The following AADACL2 variants were observed in gnomAD, a reference collection of about 807,000 sequenced individuals.
AADACL2 encodes arylacetamide deacetylase like 2, also known as arylacetamide deacetylase-like 2.
Under a neutral mutation model 22.3 loss-of-function variants are expected in AADACL2, and 23 were observed. The ratio of observed to expected loss-of-function variants is 1.03; its 90% CI spans 0.74 to 1.46. AADACL2 has a LOEUF of 1.46. AADACL2 is among the 40% of genes most tolerant of loss of function. AADACL2 has a pLI of 0.00. For missense variants in AADACL2, 472 were observed against 482.9 expected, an observed-to-expected ratio of 0.98 and a Z score of 0.21; for synonymous variants, 177 against 166.2, an observed-to-expected ratio of 1.07 and a Z score of -0.50.
Position 151,757,715 on chromosome 3 carries a change from A to T in AADACL2, c.*121A>T, listed in dbSNP as rs1009432087. ...AATCTACATTTGCAACATTTGTAGC[A>T]GTTAATGTGTGTCCTTGAAGAGTTA... On this transcript the variant is annotated 3_prime_UTR_variant, in exon 5 of 5. Transcript: ENST00000356517. The T allele has an allele frequency of 2.6e-5, 33 of 1,260,278 alleles. No homozygotes were observed. Among genetic ancestry groups the T allele is most frequent in the Non-Finnish European group, 3.4e-5 (31 of 920,014 alleles). The allele number at this position is 1,260,278 out of a possible 1,614,324, so 78.1% of individuals were successfully genotyped here.
At chr3:151,756,257 C>T (rs1295469747) in intron 4 of AADACL2, among the ~76,000 whole-genome samples, 1 of 152,120 alleles carries the variant, frequency 6.6e-6, no homozygotes, top group Admixed American at 6.6e-5. Context: ...ATGCCTTTCT[C>T]TTTGAAAAAG....
intron 4 of AADACL2, among the ~76,000 whole-genome samples, chr3:151,752,492 T>C (rs1176758437): frequency 6.6e-6 from 1 of 152,202 alleles, no homozygotes; most frequent in Non-Finnish European, 1.5e-5. Context: ...AAATCACTGA[T>C]GTGGCTTGCT....
At position 151,757,388 on chromosome 3, in the gene AADACL2, T is replaced by G; in HGVS notation, c.1000T>G (p.Tyr334Asp). ...DSQLQNLPLT[Y>D]ILTCQHDLLR... ...TCAGTTACAGAATTTGCCACTAACCTATATTCTTACTTGTCAACATGATCT... is the reference window on the plus strand; with the variant it reads ...TCAGTTACAGAATTTGCCACTAACCGATATTCTTACTTGTCAACATGATCT... Residue 334 changes from tyrosine to aspartate, a missense_variant, in exon 5 of 5, where the codon TAT becomes GAT. Tyr to Asp is a radical substitution (Grantham distance 160, BLOSUM62 -3). This residue lies in a region of AADACL2 where 113 missense variants were observed against 100.9 expected (regional missense o/e 1.12). Coordinates refer to ENST00000356517, the MANE Select transcript of AADACL2 (RefSeq NM_207365.4). 2 of 1,613,790 alleles carry G rather than the reference T, an allele frequency of 1.2e-6. No homozygotes were observed. Among genetic ancestry groups the G allele is most frequent in the Non-Finnish European group, 1.7e-6 (2 of 1,179,704 alleles).
intron 2 of AADACL2, among the ~76,000 whole-genome samples, chr3:151,742,589 T>G (rs1713315715): frequency 6.6e-6 from 1 of 152,168 alleles, no homozygotes; most frequent in Non-Finnish European, 1.5e-5. Flanking sequence ...GGATTTCTTG[T>G]GGCTGATAAA....
At chr3:151,747,651 C>T (rs967224312) in intron 4 of AADACL2, among the ~76,000 whole-genome samples, 1 of 151,528 alleles carries the variant, frequency 6.6e-6, no homozygotes, top group African/African-American at 2.4e-5. Context: ...GATACACACA[C>T]ACACACACCA....
In AADACL2 at chr3:151,734,128, G is replaced by A; in HGVS notation, c.93G>A (p.Trp31Ter). 6.2e-7 allele frequency: 1 copy of A among 1,613,546 alleles called. No individual in the cohort carries two copies. The highest frequency in any genetic ancestry group is 8.5e-7 in the Non-Finnish European group (1 of 1,179,742). Residue 31 changes from tryptophan (W) to a stop codon, truncating the protein, a stop_gained, in exon 1 of 5, where the codon TGG (tryptophan) becomes TGA (stop). Coordinates refer to ENST00000356517, the MANE Select transcript of AADACL2 (RefSeq NM_207365.4). LOFTEE classifies it high-confidence loss of function. The part of the protein sequence containing the change: ...TPMPDNIEES[W>*]KIMALDAIAK... The stretch of plus-strand genomic sequence containing the variant: ...TGCCAGACAACATTGAAGAAAGCTG[G>A]AAAATAATGGCCTTGGATGCCATCG...
intron 2 of AADACL2, 145 bp downstream of exon 2, chr3:151,741,013 A>C: frequency 1.6e-6 from 1 of 626,388 alleles, no homozygotes; most frequent in Non-Finnish European, 2.6e-6. Flanking sequence ...TATAAATATG[A>C]GACATCTAAT....
At chr3:151,743,569 C>A (rs1713346539) in intron 2 of AADACL2, among the ~76,000 whole-genome samples, 1 of 152,080 alleles carries the variant, frequency 6.6e-6, no homozygotes, top group Non-Finnish European at 1.5e-5. Context: ...TGTCTTAATG[C>A]CAATGTTATT....
chr3:151,753,050 T>C (rs1713731739), intron 4 of AADACL2, among the ~76,000 whole-genome samples: 1 of 152,184 alleles, frequency 6.6e-6, no homozygotes, highest in Admixed American at 6.5e-5. Context: ...TTATAATTAA[T>C]GGTGATGATT....
In AADACL2 at chr3:151,757,684, T is replaced by C; in HGVS notation, c.*90T>C. 4.9e-6 allele frequency: 7 copies of C among 1,430,638 alleles called. No individual in the cohort carries two copies. Among genetic ancestry groups the C allele is most frequent in the South Asian group, 2.9e-5 (2 of 69,746 alleles). The allele number at this position is 1,430,638 out of a possible 1,614,324, so 88.6% of individuals were successfully genotyped here. A position where few individuals can be genotyped will look rare whatever the true frequency, so the allele number is the denominator to read the frequency against. On this transcript the variant is annotated 3_prime_UTR_variant, in exon 5 of 5. Transcript: ENST00000356517. ...GAGCAAAGAACAATGTCATTTGAGT[T>C]ATCTAAATCTACATTTGCAACATTT...
chr3:151,734,061 G>A lies in AADACL2; in HGVS notation c.26G>A (p.Gly9Glu). ...ATGGGGCTAAAAGCTCTCTGTTTGGGGCTGCTTTGTGTTCTTTTTGTCTCT... is the reference window on the plus strand; with the variant it reads ...ATGGGGCTAAAAGCTCTCTGTTTGGAGCTGCTTTGTGTTCTTTTTGTCTCT... MGLKALCLGLLCVLFVSHF... is the reference protein window; with the variant it reads MGLKALCLELLCVLFVSHF... The change falls in exon 1 of 5, where the codon GGG becomes GAG. Residue 9 changes from glycine to glutamate, a missense_variant. Physicochemically the swap from Gly to Glu is moderately conservative, Grantham distance 98. Around this residue, in one of 3 missense-constraint regions of AADACL2, gnomAD observed 356 missense variants for 365.5 expected, o/e 0.97. Transcript: ENST00000356517. 2 of 1,612,814 alleles carry A rather than the reference G, an allele frequency of 1.2e-6. No individual in the cohort carries two copies. Among genetic ancestry groups the A allele is most frequent in the South Asian group, 2.2e-5 (2 of 90,928 alleles).
chr3:151,748,251 G>A (rs1165239554), intron 4 of AADACL2, among the ~76,000 whole-genome samples: 1 of 152,070 alleles, frequency 6.6e-6, no homozygotes, highest in Non-Finnish European at 1.5e-5. Context: ...TTTATATTAA[G>A]TGTTAGACCT....
At chr3:151,734,196 C>A (rs1416471659) in intron 1 of AADACL2, 23 bp downstream of exon 1, 3 of 1,606,524 alleles carry the variant, frequency 1.9e-6, no homozygotes, top group African/African-American at 1.3e-5. Flanking sequence ...TTTATTTTTT[C>A]TGTTGGAAAT....
intron 4 of AADACL2, among the ~76,000 whole-genome samples, chr3:151,753,823 G>A (rs963145623): frequency 6.6e-6 from 1 of 152,088 alleles, no homozygotes; most frequent in Non-Finnish European, 1.5e-5. Flanking sequence ...GGAGCTAGAT[G>A]GTAGGGTATC....
rs146871426 is a variant in AADACL2 at position 151,757,548 on chromosome 3, T to A, written c.1160T>A (p.Leu387His). The A allele has an allele frequency of 1.5e-4, 246 of 1,613,124 alleles. No homozygotes were observed. The East Asian group carries it at 5.4e-3, about 35-fold the overall frequency. ...TCACCATTTTATTTACGTCTAGGTC[T>A]TAGGATAAGAGATATGTATGTAAGT... Reference protein sequence around the residue: ...MTSPFYLRLGLRIRDMYVSWL... With the variant: ...MTSPFYLRLGHRIRDMYVSWL... The change falls in exon 5 of 5, where the codon CTT becomes CAT. Residue 387 changes from leucine to histidine, a missense_variant. This residue lies in a region of AADACL2 where 113 missense variants were observed against 100.9 expected (regional missense o/e 1.12). Transcript: ENST00000356517.
intron 4 of AADACL2, among the ~76,000 whole-genome samples, chr3:151,753,854 T>G (rs1451415578): frequency 6.6e-6 from 1 of 151,988 alleles, no homozygotes. Flanking sequence ...GTAACTGGAT[T>G]GAGAAGGGTA....
At position 151,758,924 on chromosome 3, in the gene AADACL2, G is replaced by T. The variant is rs1714054668; in HGVS notation, c.*1330G>T. Reference sequence around the variant, plus strand: ...CCAGACATTTTTCTCAATTCTCCATGATTCAGAAGGCAATTAAGAATTACA... The same window carrying T: ...CCAGACATTTTTCTCAATTCTCCATTATTCAGAAGGCAATTAAGAATTACA... On this transcript the variant is annotated 3_prime_UTR_variant, in exon 5 of 5. Coordinates refer to ENST00000356517, the MANE Select transcript of AADACL2 (RefSeq NM_207365.4). 1 of 151,980 alleles carries T rather than the reference G, an allele frequency of 6.6e-6. No individual in the cohort carries two copies. Among genetic ancestry groups the T allele is most frequent in the Admixed American group, 6.6e-5 (1 of 15,230 alleles). 9.4% of individuals were successfully genotyped at this position (151,980 alleles called of 1,614,324 possible). A position where few individuals can be genotyped will look rare whatever the true frequency, so the allele number is the denominator to read the frequency against.
rs557616397 is a variant in AADACL2, at chr3:151,760,912, T to C, written c.*3318T>C. 6.6e-6 allele frequency: 1 copy of C among 151,988 alleles called. No individual in the cohort carries two copies. Among genetic ancestry groups the C allele is most frequent in the Non-Finnish European group, 1.5e-5 (1 of 68,004 alleles). 9.4% of individuals were successfully genotyped at this position (151,988 alleles called of 1,614,324 possible). ...CTTCACATGATATTCTCCCGTTGTA[T>C]GTGTTCTTCCCCAATTTTCCCTTTT... is the stretch of plus-strand genomic sequence containing the variant. On this transcript the variant is annotated 3_prime_UTR_variant, in exon 5 of 5. Coordinates refer to ENST00000356517, the MANE Select transcript of AADACL2 (RefSeq NM_207365.4).
chr3:151,740,789 C>T lies in AADACL2; in HGVS notation c.282C>T (p.Tyr94=). Residue 94 remains tyrosine, a synonymous_variant, in exon 2 of 5, where the codon TAC becomes TAT. Coordinates refer to ENST00000356517, the MANE Select transcript of AADACL2 (RefSeq NM_207365.4). ...TTFVDIPVRL[Y]LPKRKSETRR... is the part of the protein sequence containing the mutation. ...TTGTTGACATTCCAGTACGATTGTA[C>T]TTGCCAAAAAGAAAGTCAGAAACCC... is the stretch of plus-strand genomic sequence containing the variant. 1 of 1,613,980 alleles carries T rather than the reference C, an allele frequency of 6.2e-7. No homozygotes were observed. The highest frequency in any genetic ancestry group is 8.5e-7 in the Non-Finnish European group (1 of 1,179,956).
Sources: allele counts gnomAD v4.1 joint callset (sites outside exome capture counted in the v4.1 genomes callset), GRCh38; gene constraint gnomAD v4.1.1; regional missense constraint gnomAD v4.1.1; transcripts MANE v1.5; gene names NCBI Gene and HGNC (gene_info 2026-07-23, HGNC 2026-07-21).